Variants in DIS3L2 observed in about 807,000 individuals in gnomAD.
DIS3L2 encodes the protein DIS3 like 3'-5' exoribonuclease 2, also known as DIS3-like exonuclease 2.
Under a neutral mutation model 97.5 loss-of-function variants are expected in DIS3L2, and 34 were observed. The observed-to-expected ratio is 0.35, with a 90% CI of 0.27 to 0.46. The LOEUF is 0.46. Ranked by LOEUF, DIS3L2 falls within the 20% of genes least tolerant of loss-of-function variation. The pLI, the probability that DIS3L2 is intolerant of heterozygous loss-of-function variation, is 1.00. For missense variants in DIS3L2, 1,038 were observed against 1,146.0 expected (o/e 0.91, Z 1.36); for synonymous variants, 435 against 445.2 (o/e 0.98, Z 0.29).
chr2:232,025,177 A>T (rs1447783533), intron 4 of DIS3L2, among the ~76,000 whole-genome samples: 1 of 152,182 alleles, frequency 6.6e-6, no homozygotes, highest in Non-Finnish European at 1.5e-5. Context: ...TCATTATTAC[A>T]GATTGAGCAC....
chr2:232,171,255 T>A (rs1690981780), intron 9 of DIS3L2, among the ~76,000 whole-genome samples: 1 of 152,220 alleles, frequency 6.6e-6, no homozygotes, highest in Admixed American at 6.5e-5. Flanking sequence ...TGGGCAAGTA[T>A]TTTTGGAAAA....
At chr2:232,205,971 G>A (rs1692017311) in intron 9 of DIS3L2, among the ~76,000 whole-genome samples, 1 of 152,152 alleles carries the variant, frequency 6.6e-6, no homozygotes, top group African/African-American at 2.4e-5. Flanking sequence ...TGTTCTCCCT[G>A]CTTCCCTACA....
At chr2:232,286,218 C>T (rs1035161713) in intron 13 of DIS3L2, among the ~76,000 whole-genome samples, 3 of 152,108 alleles carry the variant, frequency 2.0e-5, no homozygotes, top group Non-Finnish European at 4.4e-5. Flanking sequence ...TGGCATAGGG[C>T]CTCCCTGATG....
chr2:232,058,168 A>G (rs867160711), intron 5 of DIS3L2, among the ~76,000 whole-genome samples: 1 of 152,298 alleles, frequency 6.6e-6, no homozygotes, highest in Middle Eastern at 3.4e-3. Context: ...TATATTTTAC[A>G]TCTCCTCCTC....
chr2:232,148,576 C>A (rs902749530), intron 8 of DIS3L2, among the ~76,000 whole-genome samples: 1 of 152,068 alleles, frequency 6.6e-6, no homozygotes, highest in African/African-American at 2.4e-5. Context: ...AGTCATTGAT[C>A]ACATTTGGAA....
At position 232,277,549 on chromosome 2, in the gene DIS3L2, T is replaced by C. The variant is rs902588218; in HGVS notation, c.1659+14109T>C. ...TTTTATTATTTTATTATAAAAGTAA[T>C]ACATATTTATTTTATAAAAATTTAG... On this transcript the variant is annotated intron_variant, in intron 13 of 20. Transcript: ENST00000325385. Among the ~76,000 whole-genome samples, 4 of 152,166 alleles carry C rather than the reference T, an allele frequency of 2.6e-5. No individual in the cohort carries two copies. In the East Asian group the frequency reaches 7.7e-4, roughly 29 times the overall value.
At chr2:232,199,007 G>C (rs1371009795) in intron 9 of DIS3L2, among the ~76,000 whole-genome samples, 2 of 151,688 alleles carry the variant, frequency 1.3e-5, no homozygotes, top group Non-Finnish European at 2.9e-5. Context: ...TTTATTTTCT[G>C]TCTCCTCCCC....
intron 13 of DIS3L2, among the ~76,000 whole-genome samples, chr2:232,294,555 C>T (rs1211727396): frequency 1.3e-5 from 2 of 152,214 alleles, no homozygotes; most frequent in Non-Finnish European, 2.9e-5. Flanking sequence ...ACCCTTGGCT[C>T]TCCATTCCTT....
chr2:232,133,679 G>A (rs1464764653), intron 7 of DIS3L2, among the ~76,000 whole-genome samples: 1 of 152,044 alleles, frequency 6.6e-6, no homozygotes, highest in East Asian at 1.9e-4. Context: ...GAAAATCTCA[G>A]CAAAGAGTTA....
At chr2:232,012,458 T>C (rs984908995) in intron 1 of DIS3L2, among the ~76,000 whole-genome samples, 2 of 152,166 alleles carry the variant, frequency 1.3e-5, no homozygotes, top group East Asian at 3.9e-4. Flanking sequence ...TCTGCCTGAA[T>C]CAGGATTGAC....
At chr2:232,101,192 C>G (rs1019703801) in intron 6 of DIS3L2, among the ~76,000 whole-genome samples, 1 of 150,350 alleles carries the variant, frequency 6.7e-6, no homozygotes, top group African/African-American at 2.4e-5. Flanking sequence ...AGATTCATAC[C>G]ACTGCACTCC....
intron 10 of DIS3L2, among the ~76,000 whole-genome samples, chr2:232,226,264 G>A (rs939581290): frequency 6.6e-6 from 1 of 152,192 alleles, no homozygotes; most frequent in African/African-American, 2.4e-5. Flanking sequence ...ATCATAGTCA[G>A]CCTTAGGAAA....
intron 5 of DIS3L2, among the ~76,000 whole-genome samples, chr2:232,038,095 C>A (rs1695002915): frequency 6.6e-6 from 1 of 152,202 alleles, no homozygotes; most frequent in South Asian, 2.1e-4. Flanking sequence ...ACAGTGTCTT[C>A]CCTGGATTCC....
intron 1 of DIS3L2, among the ~76,000 whole-genome samples, chr2:232,000,410 TCTCTC>T (rs1360022177): frequency 4.6e-5 from 7 of 152,142 alleles, no homozygotes; most frequent in African/African-American, 1.7e-4. Context: ...GGCACAGACA[TCTCTC>T]CTCTCCCCTC....
intron 6 of DIS3L2, among the ~76,000 whole-genome samples, chr2:232,124,940 C>T (rs1698012222): frequency 6.6e-6 from 1 of 152,176 alleles, no homozygotes; most frequent in South Asian, 2.1e-4. Context: ...TCAGAATTTG[C>T]AATGGTTTTC....
At chr2:232,181,814 T>C (rs1036698032) in intron 9 of DIS3L2, among the ~76,000 whole-genome samples, 2 of 130,122 alleles carry the variant, frequency 1.5e-5, no homozygotes, top group Non-Finnish European at 3.1e-5. Flanking sequence ...TTTTTGTTTG[T>C]TTGTTTGTTT....
At chr2:232,305,877 C>T (rs528373335) in intron 14 of DIS3L2, among the ~76,000 whole-genome samples, 1 of 152,054 alleles carries the variant, frequency 6.6e-6, no homozygotes, top group South Asian at 2.1e-4. Context: ...GTCACTTGAG[C>T]CCAGGAGGCA....
intron 6 of DIS3L2, among the ~76,000 whole-genome samples, chr2:232,124,334 A>G (rs1344161449): frequency 1.3e-5 from 2 of 152,232 alleles, no homozygotes; most frequent in Admixed American, 6.5e-5. Context: ...GAATTATGAC[A>G]TAGCAAATTG....
intron 5 of DIS3L2, among the ~76,000 whole-genome samples, chr2:232,055,459 G>T (rs577660525): frequency 4.7e-4 from 71 of 152,276 alleles, no homozygotes; most frequent in African/African-American, 1.7e-3. Flanking sequence ...CATTGCAAAC[G>T]ACACAATGTT....
Sources: allele counts gnomAD v4.1 joint callset (sites outside exome capture counted in the v4.1 genomes callset), GRCh38; gene constraint gnomAD v4.1.1; transcripts MANE v1.5; gene names NCBI Gene and HGNC (gene_info 2026-07-23, HGNC 2026-07-21).